TRIM39: variants seen among roughly 807,000 people sequenced by gnomAD.
TRIM39 encodes E3 ubiquitin-protein ligase TRIM39.
A neutral mutation model predicts 53.6 loss-of-function variants in TRIM39; 5 were observed. The ratio of observed to expected loss-of-function variants is 0.09; its 90% CI spans 0.05 to 0.20. The LOEUF (loss-of-function observed/expected upper bound fraction) is 0.20, where lower values mean the gene tolerates loss of function less well. Among genes scored for constraint, TRIM39 ranks in the 10% least tolerant of loss-of-function variants. The pLI, the probability that TRIM39 is intolerant of heterozygous loss-of-function variation, is 1.00. For missense variants in TRIM39, 310 were observed against 621.0 expected (o/e 0.50, Z 5.32); for synonymous variants, 196 against 237.6 (o/e 0.82, Z 1.61).
rs115591201 is a variant in TRIM39 at position 30,340,725 on chromosome 6, C to T, written c.919+105C>T. Reference sequence around the variant, plus strand: ...GTTATCCTATGTCTCACTTTTCTTACTCCCACACACACCTACCCCTTTATC... The same window carrying T: ...GTTATCCTATGTCTCACTTTTCTTATTCCCACACACACCTACCCCTTTATC... On this transcript the variant is annotated intron_variant, in intron 7 of 7. Transcript: ENST00000396551. 4.2e-3 allele frequency: 4,866 copies of T among 1,169,588 alleles called. 17 individuals carry two copies. Among genetic ancestry groups the T allele is most frequent in the Middle Eastern group, 0.016 (53 of 3,396 alleles). The allele number at this position is 1,169,588 out of a possible 1,614,324, so 72.5% of individuals were successfully genotyped here. A position where few individuals can be genotyped will look rare whatever the true frequency, so the allele number is the denominator to read the frequency against.
exon 3 of TRIM39, chr6:30,329,601 A>G: frequency 6.2e-7 from 1 of 1,613,112 alleles, no homozygotes; most frequent in Non-Finnish European, 8.5e-7. Flanking sequence ...AAGCAGCTCC[A>G]GGCCGTCAAG....
rs1472501470 is a variant in TRIM39, at chr6:30,335,330, G to C, written c.550-415G>C. On this transcript the variant is annotated intron_variant, in intron 4 of 7. Coordinates refer to ENST00000396551, the Ensembl canonical transcript of TRIM39. The surrounding 1 kb of genome is among the most constrained non-coding windows in gnomAD (Gnocchi z 4.7). ...CTTTGTCTTTCTGTCTTTCTTTCCT[G>C]TCTGTCTGTCTTTCATCTCGATCTG... Among the ~76,000 whole-genome samples the C allele has an allele frequency of 6.6e-6, 1 of 151,370 alleles. No homozygotes were observed. The highest frequency in any genetic ancestry group is 1.5e-5 in the Non-Finnish European group (1 of 67,890).
chr6:30,335,148 CAAAT>C lies in TRIM39; in HGVS notation c.550-595_550-592del, dbSNP rs1201758622. 3.9e-5 allele frequency among the ~76,000 whole-genome samples: 6 copies of C among 152,186 alleles called. No homozygotes were observed. Among genetic ancestry groups the C allele is most frequent in the Non-Finnish European group, 8.8e-5 (6 of 68,012 alleles). The stretch of plus-strand genomic sequence containing the variant: ...TTGAGTTCTTTATCTTAAATTAAAA[CAAAT>C]ATATATATCCGCAGTGGTCTTCACT... On this transcript the variant is annotated intron_variant, in intron 4 of 7. Transcript: ENST00000396551. The surrounding 1 kb of genome is among the most constrained non-coding windows in gnomAD (Gnocchi z 4.7).
intron 6 of TRIM39, 27 bp from the exon 7 acceptor site, chr6:30,340,478 C>T: frequency 1.2e-6 from 2 of 1,612,830 alleles, no homozygotes; most frequent in Non-Finnish European, 8.5e-7. Context: ...CCTGCCCTTT[C>T]TTCCCCTATC....
chr6:30,343,643 C>CT (rs927056488), exon 8 of TRIM39: 2 of 152,710 alleles, frequency 1.3e-5, no homozygotes, highest in African/African-American at 4.8e-5. Flanking sequence ...CTCTCCTCCT[C>CT]TTACCTTTGT....
At chr6:30,340,001 T>G in intron 6 of TRIM39, 71 bp downstream of exon 6, 1 of 1,611,598 alleles carries the variant, frequency 6.2e-7, no homozygotes, top group Non-Finnish European at 8.5e-7. Flanking sequence ...GTCAGGAGTT[T>G]GGGTTGGGGG....
At chr6:30,341,896 G>T in exon 8 of TRIM39, 1 of 1,613,068 alleles carries the variant, frequency 6.2e-7, no homozygotes, top group Non-Finnish European at 8.5e-7. Context: ...GGGAGGTGGA[G>T]GTGGGCGACA....
chr6:30,327,408 CG>C, intron 1 of TRIM39: 1 of 153,694 alleles, frequency 6.5e-6, no homozygotes, highest in Non-Finnish European at 1.5e-5. Context: ...AGATGGAGAA[CG>C]GGGGTGGGAC....
At chr6:30,333,848 G>A (rs1786525950) in intron 4 of TRIM39, among the ~76,000 whole-genome samples, 1 of 152,008 alleles carries the variant, frequency 6.6e-6, no homozygotes, top group Admixed American at 6.5e-5. Context: ...GCTTCATCAA[G>A]AACCACTGCC....
Position 30,342,136 on chromosome 6 carries a change from T to G in TRIM39, c.1344T>G (p.Ser448=). The G allele has an allele frequency of 6.2e-7, 1 of 1,612,574 alleles. No homozygotes were observed. The highest frequency in any genetic ancestry group is 8.5e-7 in the Non-Finnish European group (1 of 1,179,882). The change falls in exon 8 of 8, where the codon TCT becomes TCG. Residue 448 remains serine (S), a synonymous_variant. Transcript: ENST00000396551. The surrounding 1 kb of genome is among the most constrained non-coding windows in gnomAD (Gnocchi z 4.7). ...CTTTCTACAATGTCACAGACCGCTC[T>G]CATATCTACACCTTCACTGATACTT...
Position 30,342,142 on chromosome 6 carries a change from C to A in TRIM39, c.1350C>A (p.Ile450=), listed in dbSNP as rs2127415375. The change falls in exon 8 of 8, where the codon ATC becomes ATA. Residue 450 remains isoleucine, a synonymous_variant. Coordinates refer to ENST00000396551, the Ensembl canonical transcript of TRIM39. The surrounding 1 kb of genome is among the most constrained non-coding windows in gnomAD (Gnocchi z 4.7). ...ACAATGTCACAGACCGCTCTCATATCTACACCTTCACTGATACTTTTACTG... is the reference window on the plus strand; with the variant it reads ...ACAATGTCACAGACCGCTCTCATATATACACCTTCACTGATACTTTTACTG... The A allele has an allele frequency of 6.2e-7, 1 of 1,613,108 alleles. No individual in the cohort carries two copies. Among genetic ancestry groups the A allele is most frequent in the Admixed American group, 1.7e-5 (1 of 60,028 alleles).
intron 1 of TRIM39, among the ~76,000 whole-genome samples, chr6:30,327,899 T>A (rs1785584580): frequency 1.3e-5 from 2 of 152,194 alleles, no homozygotes; most frequent in Non-Finnish European, 2.9e-5. Flanking sequence ...GGAACAATTG[T>A]TGTTAACCTA....
At chr6:30,329,749 C>T (rs531946696) in exon 3 of TRIM39, 57 of 1,612,656 alleles carry the variant, frequency 3.5e-5, no homozygotes, top group Middle Eastern at 3.3e-4. Context: ...TGCCACTGGA[C>T]GATGCTACAC....
chr6:30,334,225 T>C (rs1444814262), intron 4 of TRIM39, among the ~76,000 whole-genome samples: 1 of 152,194 alleles, frequency 6.6e-6, no homozygotes, highest in Non-Finnish European at 1.5e-5. Flanking sequence ...AAGCCTGCCT[T>C]TCATTCCCTA....
rs574328437 is a variant in TRIM39, at chr6:30,329,893, G to A, written c.453+123G>A. ...ACTTTGTATTCTCAGAGCTGCATAT[G>A]CAGGGGCACACAGTATGTGTGATCA... is the stretch of plus-strand genomic sequence containing the variant. On this transcript the variant is annotated intron_variant, in intron 3 of 7. Transcript: ENST00000396551. 3 of 1,349,182 alleles carry A rather than the reference G, an allele frequency of 2.2e-6. No homozygotes were observed. In the East Asian group the frequency reaches 7.5e-5, roughly 34 times the overall value. The allele number at this position is 1,349,182 out of a possible 1,614,324, so 83.6% of individuals were successfully genotyped here. A position where few individuals can be genotyped will look rare whatever the true frequency, so the allele number is the denominator to read the frequency against.
chr6:30,330,147 T>G (rs1188575694), intron 3 of TRIM39, among the ~76,000 whole-genome samples: 1 of 152,254 alleles, frequency 6.6e-6, no homozygotes, highest in East Asian at 1.9e-4. Flanking sequence ...ACACTGGTTA[T>G]TGGGCATAGG....
chr6:30,335,397 C>T lies in TRIM39; in HGVS notation c.550-348C>T, dbSNP rs973761696. On this transcript the variant is annotated intron_variant, in intron 4 of 7. Coordinates refer to ENST00000396551, the Ensembl canonical transcript of TRIM39. This position sits in a 1 kb window ranked among gnomAD's most constrained non-coding sequence, Gnocchi z 4.7. Reference sequence around the variant, plus strand: ...GCAATGGTGCAACAATTTCAGCTTACTCCAACCTCTGCCTTCTTTGCTCAA... The same window carrying T: ...GCAATGGTGCAACAATTTCAGCTTATTCCAACCTCTGCCTTCTTTGCTCAA... 6.6e-6 allele frequency among the ~76,000 whole-genome samples: 1 copy of T among 152,178 alleles called. No homozygotes were observed. Among genetic ancestry groups the T allele is most frequent in the African/African-American group, 2.4e-5 (1 of 41,438 alleles).
chr6:30,335,650 GA>G lies in TRIM39; in HGVS notation c.550-93del. The G allele has an allele frequency of 7.0e-7, 1 of 1,437,426 alleles. No homozygotes were observed. 89.0% of individuals were successfully genotyped at this position (1,437,426 alleles called of 1,614,324 possible). ...TGTTAAACCATTTTCAATGAAACTGGAAGTCTGTGTTAATTCATACATATGG... is the reference window on the plus strand; with the variant it reads ...TGTTAAACCATTTTCAATGAAACTGGAGTCTGTGTTAATTCATACATATGG... On this transcript the variant is annotated intron_variant, in intron 4 of 7. Transcript: ENST00000396551. The surrounding 1 kb of genome is among the most constrained non-coding windows in gnomAD (Gnocchi z 4.7).
intron 3 of TRIM39, 40 bp from the exon 4 acceptor site, chr6:30,330,741 C>T (rs1397019168): frequency 6.2e-7 from 1 of 1,607,898 alleles, no homozygotes. Context: ...TACCAGTCAA[C>T]CCCAAATGTC....
Sources: gnomAD v4.1 joint callset for allele counts (sites outside exome capture counted in the v4.1 genomes callset) on GRCh38, gnomAD v4.1.1 for gene constraint, Gnocchi (gnomAD v3.1) non-coding constraint, MANE v1.5 for transcripts, NCBI Gene and HGNC (gene_info 2026-07-23, HGNC 2026-07-21) for gene names.